The following GFPT1 variants were observed in gnomAD, a reference collection of about 807,000 sequenced individuals.
GFPT1 encodes the protein glutamine--fructose-6-phosphate transaminase 1, also known as glutamine--fructose-6-phosphate aminotransferase [isomerizing] 1.
Under a neutral mutation model 92.0 loss-of-function variants are expected in GFPT1, and 40 were observed. The observed-to-expected ratio is 0.43, with a 90% CI of 0.34 to 0.57. The LOEUF is 0.57. Ranked by LOEUF, GFPT1 falls within the 20% of genes least tolerant of loss-of-function variation. The pLI is 0.02. For synonymous variants in GFPT1, 269 were observed against 280.6 expected (o/e 0.96, Z 0.41); for missense variants, 448 against 869.1 (o/e 0.52, Z 6.09).
At chr2:69,362,371 TC>T (rs1671496363) in intron 4 of GFPT1, among the ~76,000 whole-genome samples, 1 of 152,204 alleles carries the variant, frequency 6.6e-6, no homozygotes. Flanking sequence ...AGGCAATCCC[TC>T]CATCTCAGCC....
chr2:69,349,250 T>C (rs902686359), intron 10 of GFPT1, among the ~76,000 whole-genome samples: 3 of 152,230 alleles, frequency 2.0e-5, no homozygotes, highest in Non-Finnish European at 4.4e-5. Context: ...GACGCTAGCA[T>C]ATGACTTCAC....
chr2:69,337,496 T>C (rs989108391), intron 15 of GFPT1, among the ~76,000 whole-genome samples: 1 of 152,188 alleles, frequency 6.6e-6, no homozygotes, highest in African/African-American at 2.4e-5. Context: ...AGTGGATGTT[T>C]CTAATTTGTT....
At chr2:69,336,617 C>T (rs1670805878) in intron 15 of GFPT1, among the ~76,000 whole-genome samples, 1 of 146,420 alleles carries the variant, frequency 6.8e-6, no homozygotes, top group South Asian at 2.2e-4. Flanking sequence ...CATTGGACAA[C>T]ATAGTGAGAC....
At chr2:69,331,827 T>A (rs1439651592) in intron 15 of GFPT1, among the ~76,000 whole-genome samples, 2 of 152,180 alleles carry the variant, frequency 1.3e-5, no homozygotes, top group African/African-American at 4.8e-5. Flanking sequence ...TTAAAGTTTA[T>A]TTTTCTGTGA....
At position 69,325,053 on chromosome 2, in the gene GFPT1, T is replaced by C. The variant is rs984225117; in HGVS notation, c.*1136A>G. 1.8e-4 allele frequency: 28 copies of C among 152,278 alleles called. No homozygotes were observed. The highest frequency in any genetic ancestry group is 6.7e-4 in the African/African-American group (28 of 41,592). The allele number at this position is 152,278 out of a possible 1,614,324, so 9.4% of individuals were successfully genotyped here. On this transcript the variant is annotated 3_prime_UTR_variant, in exon 20 of 20. Coordinates refer to ENST00000357308, the MANE Select transcript of GFPT1 (RefSeq NM_001244710.2). ...ACTTAGGATACAATACTAAATTTGGTGCCTATCAGTGTAAAGCATACATAC... is the reference window on the plus strand; with the variant it reads ...ACTTAGGATACAATACTAAATTTGGCGCCTATCAGTGTAAAGCATACATAC...
chr2:69,326,811 G>A, intron 19 of GFPT1, 103 bp downstream of exon 19: 1 of 1,098,250 alleles, frequency 9.1e-7, no homozygotes, highest in East Asian at 2.3e-5. Context: ...ATATATATTT[G>A]ATAGATTTCT....
intron 15 of GFPT1, among the ~76,000 whole-genome samples, chr2:69,332,785 T>G (rs948200510): frequency 6.6e-6 from 1 of 151,818 alleles, no homozygotes; most frequent in Non-Finnish European, 1.5e-5. Flanking sequence ...TGCTGAGGGG[T>G]GTGTGTGTGC....
At chr2:69,353,901 T>G (rs1431921762) in intron 9 of GFPT1, among the ~76,000 whole-genome samples, 1 of 152,244 alleles carries the variant, frequency 6.6e-6, no homozygotes, top group Non-Finnish European at 1.5e-5. Flanking sequence ...TTAGCCTAAA[T>G]GATTCAAATA....
chr2:69,338,132 G>C (rs1413701513), intron 14 of GFPT1, 77 bp from the exon 15 acceptor site: 3 of 1,247,706 alleles, frequency 2.4e-6, no homozygotes, highest in Non-Finnish European at 3.5e-6. Context: ...AAAACAAATT[G>C]ACCACACTTT....
Position 69,325,893 on chromosome 2 carries a change from G to T in GFPT1, c.*296C>A. On this transcript the variant is annotated 3_prime_UTR_variant, in exon 20 of 20. Transcript: ENST00000357308. Reference sequence around the variant, plus strand: ...ACATATTGTCTTCTCAGATTGAAGTGGAGGGTCCAGAAATGCAACACCCAG... The same window carrying T: ...ACATATTGTCTTCTCAGATTGAAGTTGAGGGTCCAGAAATGCAACACCCAG... 3.2e-6 allele frequency: 1 copy of T among 316,294 alleles called. No homozygotes were observed. The highest frequency in any genetic ancestry group is 5.8e-6 in the Non-Finnish European group (1 of 171,904). The allele number at this position is 316,294 out of a possible 1,614,324, so 19.6% of individuals were successfully genotyped here. A position where few individuals can be genotyped will look rare whatever the true frequency, so the allele number is the denominator to read the frequency against.
In GFPT1 at chr2:69,374,076, C is replaced by A; in HGVS notation, c.45G>T (p.Thr15=). The A allele has an allele frequency of 6.3e-7, 1 of 1,596,010 alleles. No homozygotes were observed. ...TTAGGGTCTCCAGGATTTCTCGTCT[C>A]GTTCGAGGAACATGGTAGTTTAAGT... ...FAYLNYHVPR[T]RREILETLIK... Residue 15 remains threonine (T), a synonymous_variant, in exon 2 of 20, where the codon ACG becomes ACT. Coordinates refer to ENST00000357308, the MANE Select transcript of GFPT1 (RefSeq NM_001244710.2).
rs1216144235 is a variant in GFPT1 at position 69,352,980 on chromosome 2, AG to A, written c.739+1278del. ...AGACTCGCTTGAACCCGGGAGGCAG[AG>A]GTTGCAGTGAGCCAAGATCATGTCA... On this transcript the variant is annotated intron_variant, in intron 9 of 19. Transcript: ENST00000357308. Among the ~76,000 whole-genome samples the A allele has an allele frequency of 2.6e-5, 4 of 152,324 alleles. No homozygotes were observed. In the East Asian group the frequency reaches 7.7e-4, roughly 29 times the overall value.
rs1394909124 is a variant in GFPT1 at position 69,320,213 on chromosome 2, A to C, written c.*5976T>G. The C allele has an allele frequency of 6.6e-6, 1 of 152,236 alleles. No homozygotes were observed. The highest frequency in any genetic ancestry group is 1.5e-5 in the Non-Finnish European group (1 of 68,050). The allele number at this position is 152,236 out of a possible 1,614,324, so 9.4% of individuals were successfully genotyped here. A position where few individuals can be genotyped will look rare whatever the true frequency, so the allele number is the denominator to read the frequency against. ...TTTGCAGACGTTTAGAGTACTGTAC[A>C]ATCTTAAATTATTGTTTATCAACCT... On this transcript the variant is annotated 3_prime_UTR_variant, in exon 20 of 20. Coordinates refer to ENST00000357308, the MANE Select transcript of GFPT1 (RefSeq NM_001244710.2).
chr2:69,374,793 C>T lies in GFPT1; in HGVS notation c.8-680G>A, dbSNP rs187769952. ...ACATATATAGGCCCTAAAATCTGTACCAATGAGATTAATTTTGCTTATTTC... is the reference window on the plus strand; with the variant it reads ...ACATATATAGGCCCTAAAATCTGTATCAATGAGATTAATTTTGCTTATTTC... On this transcript the variant is annotated intron_variant, in intron 1 of 19. Transcript: ENST00000357308. 4.7e-3 allele frequency among the ~76,000 whole-genome samples: 719 copies of T among 152,142 alleles called. 10 individuals are homozygous for T. Among genetic ancestry groups the T allele is most frequent in the Admixed American group, 0.012 (179 of 15,282 alleles).
chr2:69,374,147 G>C (rs748280539), intron 1 of GFPT1, 34 bp from the exon 2 acceptor site: 1 of 1,064,486 alleles, frequency 9.4e-7, no homozygotes, highest in Admixed American at 1.7e-5. Flanking sequence ...GAAAAATTCT[G>C]ATTTAAAAAA....
chr2:69,339,030 C>T (rs761407408), intron 13 of GFPT1, among the ~76,000 whole-genome samples: 3 of 152,134 alleles, frequency 2.0e-5, no homozygotes, highest in African/African-American at 4.8e-5. Context: ...ATGATCTGCT[C>T]GCCTCAGCCT....
intron 2 of GFPT1, among the ~76,000 whole-genome samples, chr2:69,370,494 T>A (rs1366774790): frequency 6.6e-6 from 1 of 152,196 alleles, no homozygotes; most frequent in Non-Finnish European, 1.5e-5. Context: ...CTTAAGAGTC[T>A]CCTTAAGTTG....
intron 2 of GFPT1, among the ~76,000 whole-genome samples, chr2:69,372,198 CAAAAAA>C (rs534920006): frequency 1.9e-5 from 1 of 52,734 alleles, no homozygotes; most frequent in Non-Finnish European, 4.1e-5. Context: ...GACTCCATCT[CAAAAAA>C]AAAAAAAAAA....
chr2:69,384,116 T>C (rs1050747584), intron 1 of GFPT1, among the ~76,000 whole-genome samples: 1 of 152,144 alleles, frequency 6.6e-6, no homozygotes, highest in African/African-American at 2.4e-5. Context: ...ATAAAATAAA[T>C]TTGGAAAATA....
Sources: allele counts gnomAD v4.1 joint callset (sites outside exome capture counted in the v4.1 genomes callset), GRCh38; gene constraint gnomAD v4.1.1; transcripts MANE v1.5; gene names NCBI Gene and HGNC (gene_info 2026-07-23, HGNC 2026-07-21).